The following TRPC5 variants were observed in gnomAD, a reference collection of about 807,000 sequenced individuals.
TRPC5 encodes transient receptor potential cation channel subfamily C member 5.
TRPC5 carries 9 observed loss-of-function variants against 56.5 expected under a neutral mutation model. The observed-to-expected ratio is 0.16, with a 90% confidence interval of 0.10 to 0.28. The LOEUF (loss-of-function observed/expected upper bound fraction) is 0.28. Ranked by LOEUF, TRPC5 falls within the 10% of genes least tolerant of loss-of-function variation. The probability of loss-of-function intolerance (pLI) is 1.00; values close to 1 mark genes in which losing one functional copy is unlikely to be tolerated. For synonymous variants in TRPC5, 282 were observed against 278.5 expected (o/e 1.01, Z -0.13); for missense variants, 469 against 748.9 (o/e 0.63, Z 4.36).
At chrX:112,052,800 G>A (rs1930247800) in intron 1 of TRPC5, among the ~76,000 whole-genome samples, 1 of 111,578 alleles carries the variant, frequency 9.0e-6, no homozygotes, top group African/African-American at 3.3e-5. Flanking sequence ...TTGGTGTAAG[G>A]TAAGGGTCCA....
At chrX:111,957,434 C>T (rs1603116914) in intron 1 of TRPC5, among the ~76,000 whole-genome samples, 1 of 112,298 alleles carries the variant, frequency 8.9e-6, no homozygotes, top group East Asian at 2.8e-4. Flanking sequence ...ACTGTGTGTG[C>T]TAAATGTTTT....
In TRPC5 at chrX:111,954,547, G is replaced by T. The variant is rs751298052; in HGVS notation, c.-21-2106C>A. Among the ~76,000 whole-genome samples, 3 of 111,857 alleles carry T rather than the reference G, an allele frequency of 2.7e-5. No individual in the cohort carries two copies. The East Asian group carries it at 8.4e-4, about 31-fold the overall frequency. On this transcript the variant is annotated intron_variant, in intron 1 of 10. Coordinates refer to ENST00000262839, the MANE Select transcript of TRPC5 (RefSeq NM_012471.3). ...GAATGCAAGGGGTCTTATTTTTTCA[G>T]CTTAATAGGATATAGGGATTAGAGG...
chrX:111,892,978 C>T (rs1353919704), intron 3 of TRPC5, among the ~76,000 whole-genome samples: 1 of 111,270 alleles, frequency 9.0e-6, no homozygotes, highest in Non-Finnish European at 1.9e-5. Context: ...ATGTAATTCT[C>T]ATAACTGTCA....
chrX:111,974,292 G>A (rs1042422522), intron 1 of TRPC5, among the ~76,000 whole-genome samples: 4 of 111,152 alleles, frequency 3.6e-5, no homozygotes, highest in Admixed American at 2.9e-4. Flanking sequence ...GAGCCTGGTG[G>A]ACTTCTGGTG....
At chrX:111,974,506 A>G (rs912114680) in intron 1 of TRPC5, among the ~76,000 whole-genome samples, 1 of 112,447 alleles carries the variant, frequency 8.9e-6, no homozygotes, top group South Asian at 3.7e-4. Flanking sequence ...CAATCTAAGA[A>G]GCATTTATTC....
intron 1 of TRPC5, among the ~76,000 whole-genome samples, chrX:112,079,037 C>G (rs1414660761): frequency 8.9e-6 from 1 of 112,024 alleles, no homozygotes; most frequent in East Asian, 2.8e-4. Context: ...CAAACTTTGT[C>G]ATACCTTTCC....
At chrX:112,023,059 C>T (rs1460849565) in intron 1 of TRPC5, among the ~76,000 whole-genome samples, 1 of 109,230 alleles carries the variant, frequency 9.2e-6, no homozygotes, top group South Asian at 4.0e-4. Flanking sequence ...CTCAGCCTCC[C>T]GAGTAGCTGG....
At chrX:111,836,927 C>T (rs1454326354) in intron 6 of TRPC5, among the ~76,000 whole-genome samples, 1 of 112,703 alleles carries the variant, frequency 8.9e-6, no homozygotes, top group African/African-American at 3.2e-5. Context: ...ACTGGCCTGA[C>T]TCTCAAGGGC....
chrX:111,773,027 G>A lies in TRPC5; in HGVS notation c.*3286C>T, dbSNP rs750022663. 6.3e-5 allele frequency among the ~76,000 whole-genome samples: 7 copies of A among 111,817 alleles called. No individual in the cohort carries two copies. Among genetic ancestry groups the A allele is most frequent in the Non-Finnish European group, 1.1e-4 (6 of 53,204 alleles). ...ATTAAGTCATTTGAAAAGTGGAGGC[G>A]TTCGTTTTTTAAAAATGATTTAATC... On this transcript the variant is annotated 3_prime_UTR_variant, in exon 11 of 11. Coordinates refer to ENST00000262839, the MANE Select transcript of TRPC5 (RefSeq NM_012471.3).
Position 111,847,435 on chromosome X carries a change from T to C in TRPC5, c.1379A>G (p.Tyr460Cys), listed in dbSNP as rs1569526493. Residue 460 changes from tyrosine to cysteine, a missense_variant and splice_region_variant, in exon 6 of 11, where the codon TAT (tyrosine) becomes TGT (cysteine). Physicochemically the swap from Tyr to Cys is radical, Grantham distance 194. This residue lies in a region of TRPC5 where 157 missense variants were observed against 360.0 expected (regional missense o/e 0.44). Transcript: ENST00000262839. The stretch of plus-strand genomic sequence containing the variant: ...TTCCTCCCTTGGACGAGAACCATTA[T>C]ACTGAAAGAAACAACAAGTGCACAA... ...ISLKIVAYVK[Y>C]NGSRPREEWE... is the part of the protein sequence containing the mutation. The C allele has an allele frequency of 8.3e-7, 1 of 1,202,948 alleles. No homozygotes were observed. The highest frequency in any genetic ancestry group is 2.2e-5 in the Admixed American group (1 of 45,672).
chrX:111,863,867 A>G (rs1239440153), intron 3 of TRPC5, among the ~76,000 whole-genome samples: 2 of 112,056 alleles, frequency 1.8e-5, no homozygotes, highest in Non-Finnish European at 3.8e-5. Flanking sequence ...AAATGAAATG[A>G]TCATGCATGG....
intron 2 of TRPC5, among the ~76,000 whole-genome samples, chrX:111,935,575 T>C (rs933435017): frequency 8.9e-6 from 1 of 111,876 alleles, no homozygotes; most frequent in Non-Finnish European, 1.9e-5. Flanking sequence ...TTTCCCAATG[T>C]TTTTTCATGG....
At chrX:112,025,717 C>A (rs1238195814) in intron 1 of TRPC5, among the ~76,000 whole-genome samples, 1 of 111,666 alleles carries the variant, frequency 9.0e-6, no homozygotes, top group African/African-American at 3.3e-5. Flanking sequence ...AATAAGATCC[C>A]TCTTCATGTG....
In TRPC5 at chrX:112,046,549, C is replaced by G. The variant is rs142110209; in HGVS notation, c.-22+35330G>C. 6.4e-3 allele frequency among the ~76,000 whole-genome samples: 711 copies of G among 110,981 alleles called. 4 individuals carry two copies. The highest frequency in any genetic ancestry group is 0.023 in the African/African-American group (689 of 30,467). ...CAGAGTATTTGTTTATGTGCCTATA[C>G]AAAATGGGTCTGGCATTTCTGTTGC... On this transcript the variant is annotated intron_variant, in intron 1 of 10. Transcript: ENST00000262839.
chrX:112,074,490 T>C (rs1352566628), intron 1 of TRPC5, among the ~76,000 whole-genome samples: 1 of 109,846 alleles, frequency 9.1e-6, no homozygotes, highest in East Asian at 2.9e-4. Context: ...CCCAAATGGG[T>C]TATCATTATT....
chrX:111,812,392 A>G (rs1434740778), intron 7 of TRPC5, among the ~76,000 whole-genome samples: 7 of 111,432 alleles, frequency 6.3e-5, no homozygotes, highest in Admixed American at 9.6e-5. Context: ...GAGGACCCCA[A>G]TTGCTCCCAT....
intron 10 of TRPC5, among the ~76,000 whole-genome samples, chrX:111,778,307 A>T (rs1444835456): frequency 3.6e-5 from 4 of 111,086 alleles, no homozygotes; most frequent in African/African-American, 1.3e-4. Flanking sequence ...AAAAAATTAA[A>T]AAATATATAT....
At position 111,948,689 on chromosome X, in the gene TRPC5, G is replaced by A. The variant is rs868602928; in HGVS notation, c.378+3354C>T. Among the ~76,000 whole-genome samples, 85 of 106,714 alleles carry A rather than the reference G, an allele frequency of 8.0e-4. 1 individual carries two copies. The highest frequency in any genetic ancestry group is 2.6e-3 in the African/African-American group (77 of 29,098). The allele number at this position is 106,714 out of a possible 115,157, so 92.7% of individuals were successfully genotyped here. A position where few individuals can be genotyped will look rare whatever the true frequency, so the allele number is the denominator to read the frequency against. Reference sequence around the variant, plus strand: ...GGAGGTTGCAGTGAGCCGAGATTGTGCCACTGCACTCCAGCCTGGGTGACA... The same window carrying A: ...GGAGGTTGCAGTGAGCCGAGATTGTACCACTGCACTCCAGCCTGGGTGACA... On this transcript the variant is annotated intron_variant, in intron 2 of 10. Coordinates refer to ENST00000262839, the MANE Select transcript of TRPC5 (RefSeq NM_012471.3).
chrX:111,933,521 G>C (rs1281602437), intron 2 of TRPC5, among the ~76,000 whole-genome samples: 1 of 110,659 alleles, frequency 9.0e-6, no homozygotes, highest in African/African-American at 3.3e-5. Flanking sequence ...TTAAGGGAGG[G>C]AAGCCCTGAG....
Sources: allele counts gnomAD v4.1 joint callset (sites outside exome capture counted in the v4.1 genomes callset), GRCh38; gene constraint gnomAD v4.1.1; regional missense constraint gnomAD v4.1.1; transcripts MANE v1.5; gene names NCBI Gene and HGNC (gene_info 2026-07-23, HGNC 2026-07-21).